Variants in KCNH1 observed in about 807,000 individuals in gnomAD.
KCNH1 encodes voltage-gated delayed rectifier potassium channel KCNH1.
Under a neutral mutation model 69.2 loss-of-function variants are expected in KCNH1, and 27 were observed. The ratio of observed to expected loss-of-function variants is 0.39; its 90% CI spans 0.29 to 0.54. The LOEUF is 0.54. KCNH1 is among the 20% of genes least tolerant of loss of function. The pLI is 0.68. For synonymous variants in KCNH1, 456 were observed against 487.7 expected, an observed-to-expected ratio of 0.93 and a Z score of 0.86; for missense variants, 798 against 1,261.6, an observed-to-expected ratio of 0.63 and a Z score of 5.57.
chr1:210,747,192 T>C (rs980585145), intron 10 of KCNH1, among the ~76,000 whole-genome samples: 1 of 152,150 alleles, frequency 6.6e-6, no homozygotes, highest in East Asian at 1.9e-4. Context: ...TGAGTCCACA[T>C]CTATAGTTGC....
intron 8 of KCNH1, among the ~76,000 whole-genome samples, chr1:210,799,790 C>T (rs1684395525): frequency 6.6e-6 from 1 of 152,180 alleles, no homozygotes; most frequent in African/African-American, 2.4e-5. Flanking sequence ...TGCTGCTCAT[C>T]CCCAAATTTG....
intron 10 of KCNH1, among the ~76,000 whole-genome samples, chr1:210,694,580 G>A (rs1465058517): frequency 1.3e-5 from 2 of 152,204 alleles, no homozygotes; most frequent in Non-Finnish European, 2.9e-5. Flanking sequence ...TGAGGGGTCT[G>A]CAGTCCAAAA....
chr1:211,045,605 G>A (rs1368554364), intron 5 of KCNH1, among the ~76,000 whole-genome samples: 1 of 152,042 alleles, frequency 6.6e-6, no homozygotes, highest in Non-Finnish European at 1.5e-5. Context: ...GTATACTCCT[G>A]GGAAACCATC....
chr1:211,043,653 G>T (rs1690043075), intron 5 of KCNH1, among the ~76,000 whole-genome samples: 1 of 151,986 alleles, frequency 6.6e-6, no homozygotes, highest in African/African-American at 2.4e-5. Flanking sequence ...ACTACTACAG[G>T]CCAATATCCC....
intron 6 of KCNH1, among the ~76,000 whole-genome samples, chr1:210,995,764 T>G (rs1689020750): frequency 6.6e-6 from 1 of 152,146 alleles, no homozygotes; most frequent in Admixed American, 6.5e-5. Context: ...CAACAGAGAT[T>G]TTGCCACTAA....
chr1:210,816,064 G>C (rs1215511426), intron 7 of KCNH1, among the ~76,000 whole-genome samples: 1 of 152,136 alleles, frequency 6.6e-6, no homozygotes, highest in African/African-American at 2.4e-5. Flanking sequence ...AGCGGCGAGC[G>C]ATTAACCTGC....
intron 1 of KCNH1, among the ~76,000 whole-genome samples, chr1:211,122,099 C>T (rs765985325): frequency 5.3e-5 from 8 of 152,050 alleles, no homozygotes; most frequent in Non-Finnish European, 1.2e-4. Context: ...GATCATGCCA[C>T]TGCACTCCAG....
At position 211,133,880 on chromosome 1, in the gene KCNH1, A is replaced by G; in HGVS notation, c.66T>C (p.Val22=). The change falls in exon 1 of 11, where the codon GTT becomes GTC. Residue 22 remains valine (V), a synonymous_variant. Coordinates refer to ENST00000271751, the MANE Select transcript of KCNH1 (RefSeq NM_172362.3). This position sits in a 1 kb window ranked among gnomAD's most constrained non-coding sequence, Gnocchi z 5.4. ...TGCACCTCTTACCATTGGACCGCCG[A>G]ACAATATTCTCCAGAAACGTGTTTT... is the stretch of plus-strand genomic sequence containing the variant. The part of the protein sequence containing the change: ...APQNTFLENI[V]RRSNDTNFVL... 2 of 1,610,610 alleles carry G rather than the reference A, an allele frequency of 1.2e-6. No homozygotes were observed. Among genetic ancestry groups the G allele is most frequent in the Non-Finnish European group, 1.7e-6 (2 of 1,178,592 alleles).
At chr1:211,036,769 T>G (rs1689906429) in intron 5 of KCNH1, among the ~76,000 whole-genome samples, 1 of 152,192 alleles carries the variant, frequency 6.6e-6, no homozygotes, top group African/African-American at 2.4e-5. Context: ...GAGCATGTGC[T>G]TCTATTGTCT....
chr1:210,683,619 C>G lies in KCNH1; in HGVS notation c.2632G>C (p.Asp878His). Residue 878 changes from aspartate to histidine, a missense_variant, in exon 11 of 11, where the codon GAC (aspartate) becomes CAC (histidine). By Grantham distance (81) the Asp-to-His change is moderately conservative. Around this residue, in one of 4 missense-constraint regions of KCNH1, gnomAD observed 331 missense variants for 363.2 expected, o/e 0.91. Coordinates refer to ENST00000271751, the MANE Select transcript of KCNH1 (RefSeq NM_172362.3). The surrounding 1 kb of genome is among the most constrained non-coding windows in gnomAD (Gnocchi z 5.7). ...ASGEATLKKT[D>H]SCDSGITKSD... ...TTGGTGATGCCACTGTCACACGAGT[C>G]TGTCTTCTTCAGTGTGGCCTCGCCT... 1 of 1,614,220 alleles carries G rather than the reference C, an allele frequency of 6.2e-7. No homozygotes were observed. Among genetic ancestry groups the G allele is most frequent in the Non-Finnish European group, 8.5e-7 (1 of 1,180,038 alleles).
At chr1:210,993,777 C>T (rs944690494) in intron 6 of KCNH1, among the ~76,000 whole-genome samples, 3 of 152,082 alleles carry the variant, frequency 2.0e-5, no homozygotes, top group Non-Finnish European at 2.9e-5. Flanking sequence ...AAACCTAAGG[C>T]TAAACAAGAC....
At chr1:210,725,547 G>A (rs1202185533) in intron 10 of KCNH1, among the ~76,000 whole-genome samples, 1 of 152,180 alleles carries the variant, frequency 6.6e-6, no homozygotes, top group East Asian at 1.9e-4. Context: ...GGTAGGGGGT[G>A]ATCAGGGAAG....
intron 10 of KCNH1, among the ~76,000 whole-genome samples, chr1:210,698,790 T>C (rs915181581): frequency 3.9e-5 from 6 of 152,178 alleles, no homozygotes; most frequent in African/African-American, 1.4e-4. Context: ...GGAACGAGAC[T>C]GTACACAGTG....
At position 211,090,842 on chromosome 1, in the gene KCNH1, T is replaced by A. The variant is rs568239554; in HGVS notation, c.311-152A>T. The A allele has an allele frequency of 1.1e-4, 76 of 691,800 alleles. No individual in the cohort carries two copies. In the East Asian group the frequency reaches 2.5e-3, roughly 23 times the overall value. 42.9% of individuals were successfully genotyped at this position (691,800 alleles called of 1,614,324 possible). On this transcript the variant is annotated intron_variant, in intron 3 of 10. Transcript: ENST00000271751. ...AAGTGCTGGGTTATCACACCATAAA[T>A]TTTTTTTCTTGCTGGAATAAAAACT... is the stretch of plus-strand genomic sequence containing the variant.
chr1:210,781,296 G>A (rs1196690942), intron 9 of KCNH1, among the ~76,000 whole-genome samples: 2 of 152,062 alleles, frequency 1.3e-5, no homozygotes, highest in South Asian at 2.1e-4. Context: ...TACTCTGTTG[G>A]CGGCTTCTCT....
intron 10 of KCNH1, among the ~76,000 whole-genome samples, chr1:210,748,214 C>A (rs561134234): frequency 6.6e-6 from 1 of 152,284 alleles, no homozygotes; most frequent in East Asian, 1.9e-4. Flanking sequence ...CTCCCCAGGG[C>A]GTGACGCAGG....
chr1:211,027,567 G>A (rs1048985241), intron 5 of KCNH1, among the ~76,000 whole-genome samples: 7 of 151,732 alleles, frequency 4.6e-5, no homozygotes, highest in African/African-American at 1.2e-4. Flanking sequence ...TCACTCTAGT[G>A]TAGGCAACAA....
At chr1:210,805,079 C>T (rs572537548) in intron 7 of KCNH1, among the ~76,000 whole-genome samples, 10 of 152,288 alleles carry the variant, frequency 6.6e-5, no homozygotes, top group African/African-American at 2.4e-4. Context: ...TCTGTCACCA[C>T]GAGTGTGACC....
At chr1:211,066,478 T>G (rs907299160) in intron 5 of KCNH1, among the ~76,000 whole-genome samples, 5 of 152,188 alleles carry the variant, frequency 3.3e-5, no homozygotes, top group Non-Finnish European at 7.3e-5. Context: ...ATCAATATTT[T>G]TAATAATATT....
Sources: allele counts gnomAD v4.1 joint callset (sites outside exome capture counted in the v4.1 genomes callset), GRCh38; gene constraint gnomAD v4.1.1; regional missense constraint gnomAD v4.1.1; non-coding constraint Gnocchi (gnomAD v3.1); transcripts MANE v1.5; gene names NCBI Gene and HGNC (gene_info 2026-07-23, HGNC 2026-07-21).